NIM1K: variants seen among roughly 807,000 people sequenced by gnomAD.
NIM1K encodes the protein NIM1 serine/threonine protein kinase, also known as serine/threonine-protein kinase NIM1.
Under a neutral mutation model 37.1 loss-of-function variants are expected in NIM1K, and 35 were observed. The observed-to-expected ratio is 0.94, with a 90% confidence interval of 0.72 to 1.25. NIM1K has a LOEUF of 1.25. Among genes scored for constraint, NIM1K ranks in the 50% most tolerant of loss-of-function variants. The pLI is 0.00. For synonymous variants in NIM1K, 234 were observed against 206.6 expected (o/e 1.13, Z -1.14); for missense variants, 564 against 548.0 (o/e 1.03, Z -0.29).
chr5:43,206,683 C>G, intron 1 of NIM1K: 1 of 692,674 alleles, frequency 1.4e-6, no homozygotes, highest in Non-Finnish European at 2.7e-6. Flanking sequence ...GCCACTCCCC[C>G]AGGTATGGCA....
At chr5:43,193,244 G>C (rs1056260523) in intron 1 of NIM1K, 2 of 152,092 alleles carry the variant, frequency 1.3e-5, no homozygotes, top group Admixed American at 1.3e-4. Flanking sequence ...GGGCAGCAAA[G>C]ATTCTGCTAT....
At chr5:43,205,706 TTTTTG>T (rs372315716) in intron 1 of NIM1K, among the ~76,000 whole-genome samples, 10 of 152,268 alleles carry the variant, frequency 6.6e-5, no homozygotes, top group Admixed American at 2.0e-4. Context: ...TGTTTGCTTG[TTTTTG>T]TTTTGTTTTG....
chr5:43,261,786 A>G (rs543213510), intron 2 of NIM1K, among the ~76,000 whole-genome samples: 2 of 152,272 alleles, frequency 1.3e-5, no homozygotes, highest in Middle Eastern at 3.4e-3. Flanking sequence ...TAATTTTTGT[A>G]TAAGGTGTAA....
At chr5:43,266,548 T>C (rs1252512981) in intron 2 of NIM1K, among the ~76,000 whole-genome samples, 1 of 152,170 alleles carries the variant, frequency 6.6e-6, no homozygotes, top group Non-Finnish European at 1.5e-5. Flanking sequence ...GAAAGGGGAT[T>C]CCCTGACCCC....
chr5:43,277,863 A>G (rs369861362), intron 3 of NIM1K, among the ~76,000 whole-genome samples: 1 of 149,808 alleles, frequency 6.7e-6, no homozygotes, highest in South Asian at 2.1e-4. Flanking sequence ...ATCTCACATC[A>G]GTTATACTGA....
intron 2 of NIM1K, among the ~76,000 whole-genome samples, chr5:43,254,539 G>A (rs550660966): frequency 6.6e-5 from 10 of 152,210 alleles, no homozygotes; most frequent in Non-Finnish European, 1.3e-4. Flanking sequence ...ATAAACACTC[G>A]ACAAATATTT....
chr5:43,239,102 A>G (rs545967245), intron 1 of NIM1K, among the ~76,000 whole-genome samples: 132 of 152,046 alleles, frequency 8.7e-4, no homozygotes, highest in Admixed American at 6.5e-4. Flanking sequence ...TCTCATTGGC[A>G]TGCCCTTATG....
At position 43,280,556 on chromosome 5, in the gene NIM1K, C is replaced by T. The variant is rs867989237; in HGVS notation, c.1138C>T (p.Arg380Cys). The change falls in exon 4 of 4, where the codon CGC becomes TGC. Residue 380 changes from arginine (R) to cysteine (C), a missense_variant. Physicochemically the swap from Arg to Cys is radical, Grantham distance 180 (BLOSUM62 -3). Coordinates refer to ENST00000326035, the MANE Select transcript of NIM1K (RefSeq NM_153361.4). ...HIRNNQGRDA[R>C]SSITGVYRII... ...TCGAAATAACCAAGGGAGAGATGCT[C>T]GCAGCTCAATCACAGGGGTCTATAG... The T allele has an allele frequency of 3.7e-6, 6 of 1,613,904 alleles. No individual in the cohort carries two copies. Among genetic ancestry groups the T allele is most frequent in the Non-Finnish European group, 5.1e-6 (6 of 1,179,962 alleles).
chr5:43,199,204 A>AAAAAAT (rs1200134957), intron 1 of NIM1K, among the ~76,000 whole-genome samples: 1 of 94,074 alleles, frequency 1.1e-5, no homozygotes, highest in Non-Finnish European at 2.0e-5. Flanking sequence ...AAAAAAAAAA[A>AAAAAAT]ATATATATAT....
At chr5:43,230,829 T>A (rs1327651499) in intron 1 of NIM1K, among the ~76,000 whole-genome samples, 1 of 152,244 alleles carries the variant, frequency 6.6e-6, no homozygotes, top group Non-Finnish European at 1.5e-5. Flanking sequence ...TGTCACCCAC[T>A]AGTTCAATCT....
intron 1 of NIM1K, among the ~76,000 whole-genome samples, chr5:43,233,685 C>T (rs2112246553): frequency 6.6e-6 from 1 of 152,318 alleles, no homozygotes; most frequent in East Asian, 1.9e-4. Flanking sequence ...TACATTAGAG[C>T]TGGAGAAAGT....
rs1341962754 is a variant in NIM1K at position 43,277,764 on chromosome 5, C to CT, written c.561+439_561+440insT. Among the ~76,000 whole-genome samples the CT allele has an allele frequency of 9.3e-5, 14 of 150,616 alleles. No individual in the cohort carries two copies. In the East Asian group the frequency reaches 2.7e-3, roughly 29 times the overall value. On this transcript the variant is annotated intron_variant, in intron 3 of 3. Coordinates refer to ENST00000326035, the MANE Select transcript of NIM1K (RefSeq NM_153361.4). ...CTTGGTTCTCTCTCTCTCTCTCTCC[C>CT]CCACCCCCCCTCTCCGTGTGTGTGT...
intron 1 of NIM1K, among the ~76,000 whole-genome samples, chr5:43,239,029 C>T (rs1752659970): frequency 6.6e-6 from 1 of 151,746 alleles, no homozygotes; most frequent in Non-Finnish European, 1.5e-5. Context: ...CTTTATTCCT[C>T]TAACCTTTGA....
chr5:43,198,211 T>TTC lies in NIM1K; in HGVS notation c.-695+5802_-695+5803dup, dbSNP rs1579951033. Reference sequence around the variant, plus strand: ...TCTTTCTTTCTTTCTTTCTTTCTCTTTCTTTCTTTCTTTCTTTCTTTCTTT... The same window carrying TTC: ...TCTTTCTTTCTTTCTTTCTTTCTCTTTCTCTTTCTTTCTTTCTTTCTTTCTTT... On this transcript the variant is annotated intron_variant, in intron 1 of 3. Transcript: ENST00000326035. 7.6e-4 allele frequency among the ~76,000 whole-genome samples: 59 copies of TTC among 77,806 alleles called. 1 individual carries two copies. Among genetic ancestry groups the TTC allele is most frequent in the Admixed American group, 1.3e-3 (9 of 6,838 alleles). 51.0% of individuals were successfully genotyped at this position (77,806 alleles called of 152,430 possible).
chr5:43,277,777 T>G (rs1753369181), intron 3 of NIM1K, among the ~76,000 whole-genome samples: 1 of 140,130 alleles, frequency 7.1e-6, no homozygotes, highest in African/African-American at 2.9e-5. Flanking sequence ...ACCCCCCCTC[T>G]CCGTGTGTGT....
chr5:43,265,026 A>G (rs544752874), intron 2 of NIM1K, among the ~76,000 whole-genome samples: 1 of 152,260 alleles, frequency 6.6e-6, no homozygotes, highest in African/African-American at 2.4e-5. Flanking sequence ...AGGTAACCCA[A>G]CCTGTCTCTC....
At chr5:43,274,888 T>TCAAA (rs1753315154) in intron 2 of NIM1K, among the ~76,000 whole-genome samples, 1 of 152,230 alleles carries the variant, frequency 6.6e-6, no homozygotes. Flanking sequence ...TGTAAGTAGG[T>TCAAA]CAAACAGGTA....
chr5:43,210,979 T>G (rs568746729), intron 1 of NIM1K, among the ~76,000 whole-genome samples: 1 of 152,158 alleles, frequency 6.6e-6, no homozygotes, highest in Non-Finnish European at 1.5e-5. Context: ...GAGACCAGCC[T>G]GGCTAACATG....
intron 1 of NIM1K, among the ~76,000 whole-genome samples, chr5:43,193,865 G>A (rs1207734839): frequency 6.6e-6 from 1 of 152,174 alleles, no homozygotes; most frequent in Non-Finnish European, 1.5e-5. Context: ...TTAGAAGCAG[G>A]AACTGTTCTC....
Sources: gnomAD v4.1 joint callset for allele counts (sites outside exome capture counted in the v4.1 genomes callset) on GRCh38, gnomAD v4.1.1 for gene constraint, MANE v1.5 for transcripts, NCBI Gene and HGNC (gene_info 2026-07-23, HGNC 2026-07-21) for gene names.